PARD3: variants seen among roughly 807,000 people sequenced by gnomAD.
PARD3 encodes par-3 family cell polarity regulator.
PARD3 carries 75 observed loss-of-function variants against 155.4 expected under a neutral mutation model. The ratio of observed to expected loss-of-function variants is 0.48; its 90% CI spans 0.40 to 0.58. The LOEUF (loss-of-function observed/expected upper bound fraction) is 0.58, where lower values mean the gene tolerates loss of function less well. Ranked by LOEUF, PARD3 falls within the 20% of genes least tolerant of loss-of-function variation. PARD3 has a pLI of 0.00. For synonymous variants in PARD3, 576 were observed against 610.5 expected, an observed-to-expected ratio of 0.94 and a Z score of 0.83; for missense variants, 1,642 against 1,721.7, an observed-to-expected ratio of 0.95 and a Z score of 0.82.
chr10:34,542,234 T>TGTGTAC (rs1554889671), intron 2 of PARD3, among the ~76,000 whole-genome samples: 48 of 146,300 alleles, frequency 3.3e-4, no homozygotes, highest in African/African-American at 1.1e-3. Context: ...TGTGTGTGTG[T>TGTGTAC]GTGTGCACAC....
chr10:34,547,883 A>C (rs1480213881), intron 2 of PARD3, among the ~76,000 whole-genome samples: 2 of 152,242 alleles, frequency 1.3e-5, no homozygotes, highest in African/African-American at 4.8e-5. Flanking sequence ...TACATTATGA[A>C]GTGTTAACAT....
chr10:34,551,696 C>T (rs1203285888), intron 2 of PARD3, among the ~76,000 whole-genome samples: 1 of 152,200 alleles, frequency 6.6e-6, no homozygotes, highest in Non-Finnish European at 1.5e-5. Flanking sequence ...CCAGCTCAGG[C>T]TGCGGTTAGG....
intron 1 of PARD3, among the ~76,000 whole-genome samples, chr10:34,783,400 C>T (rs1348818506): frequency 6.6e-6 from 1 of 151,512 alleles, no homozygotes; most frequent in South Asian, 2.1e-4. Flanking sequence ...GTCAGGAGAT[C>T]GAGACCATCC....
At chr10:34,760,987 T>C (rs1837374372) in intron 1 of PARD3, among the ~76,000 whole-genome samples, 1 of 152,006 alleles carries the variant, frequency 6.6e-6, no homozygotes. Context: ...TAAATTAAAT[T>C]GGATAATTAA....
chr10:34,312,387 A>G, intron 20 of PARD3: 1 of 1,612,674 alleles, frequency 6.2e-7, no homozygotes, highest in Non-Finnish European at 8.5e-7. Context: ...GCAAGGCTAA[A>G]TGAGAGACAC....
intron 20 of PARD3, among the ~76,000 whole-genome samples, chr10:34,292,100 C>T (rs1956701708): frequency 1.3e-5 from 2 of 152,176 alleles, no homozygotes; most frequent in Admixed American, 1.3e-4. Flanking sequence ...TCAAAATCAT[C>T]TGTGCTGACA....
At chr10:34,748,213 T>TA (rs1835550389) in intron 1 of PARD3, among the ~76,000 whole-genome samples, 1 of 152,158 alleles carries the variant, frequency 6.6e-6, no homozygotes, top group Admixed American at 6.5e-5. Flanking sequence ...CTCACGCCTG[T>TA]AATCCCAGCA....
At chr10:34,761,802 A>G (rs1422885086) in intron 1 of PARD3, among the ~76,000 whole-genome samples, 1 of 152,338 alleles carries the variant, frequency 6.6e-6, no homozygotes, top group Admixed American at 6.5e-5. Flanking sequence ...TAAGAAAACG[A>G]TGAGTCCTAA....
chr10:34,411,477 C>T (rs1409209790), intron 5 of PARD3, among the ~76,000 whole-genome samples: 1 of 149,104 alleles, frequency 6.7e-6, no homozygotes, highest in African/African-American at 2.6e-5. Flanking sequence ...CTGAATAGAA[C>T]AAAAAGGCTG....
intron 2 of PARD3, among the ~76,000 whole-genome samples, chr10:34,666,816 T>TACATAC (rs1554804684): frequency 3.4e-5 from 3 of 88,768 alleles, no homozygotes; most frequent in South Asian, 4.2e-4. Context: ...TATATATATA[T>TACATAC]ACACACACAC....
chr10:34,483,506 GA>G (rs11459278), intron 3 of PARD3, among the ~76,000 whole-genome samples: 12 of 142,330 alleles, frequency 8.4e-5, no homozygotes, highest in South Asian at 6.7e-4. Flanking sequence ...AAAAGAGAGA[GA>G]AAAAAAAACA....
At chr10:34,707,746 T>C (rs1009288782) in intron 1 of PARD3, among the ~76,000 whole-genome samples, 1 of 152,208 alleles carries the variant, frequency 6.6e-6, no homozygotes, top group African/African-American at 2.4e-5. Context: ...ATAATCTCAG[T>C]GTTCACTGTC....
chr10:34,537,185 T>C (rs553541323), intron 2 of PARD3, among the ~76,000 whole-genome samples: 173 of 152,258 alleles, frequency 1.1e-3, no homozygotes, highest in Middle Eastern at 3.4e-3. Flanking sequence ...TAATTTTCTG[T>C]AGAGACAGGG....
At chr10:34,264,632 A>G (rs994114108) in intron 22 of PARD3, among the ~76,000 whole-genome samples, 2 of 151,688 alleles carry the variant, frequency 1.3e-5, no homozygotes, top group Non-Finnish European at 2.9e-5. Flanking sequence ...GGAAGTCCCC[A>G]CTCTAGGTAC....
At chr10:34,201,684 C>T (rs764384050) in intron 22 of PARD3, among the ~76,000 whole-genome samples, 8 of 151,970 alleles carry the variant, frequency 5.3e-5, no homozygotes, top group Non-Finnish European at 8.8e-5. Context: ...GAGTTGTTCA[C>T]CCAAAAAAGC....
chr10:34,381,488 G>T (rs1005256804), intron 9 of PARD3, among the ~76,000 whole-genome samples: 5 of 152,158 alleles, frequency 3.3e-5, no homozygotes, highest in African/African-American at 1.2e-4. Flanking sequence ...AAGTCCAATA[G>T]TTTGCACTCA....
At chr10:34,612,579 C>T (rs927059400) in intron 2 of PARD3, among the ~76,000 whole-genome samples, 3 of 152,222 alleles carry the variant, frequency 2.0e-5, no homozygotes, top group Non-Finnish European at 4.4e-5. Flanking sequence ...TTAGGAATTT[C>T]ACCCAACTTT....
chr10:34,124,208 G>A (rs1947157605), intron 23 of PARD3, among the ~76,000 whole-genome samples: 2 of 152,126 alleles, frequency 1.3e-5, no homozygotes, highest in Admixed American at 1.3e-4. Flanking sequence ...AAAACAAAAA[G>A]TAAAATACAA....
chr10:34,635,625 T>C (rs1366045734), intron 2 of PARD3, among the ~76,000 whole-genome samples: 1 of 152,208 alleles, frequency 6.6e-6, no homozygotes, highest in Non-Finnish European at 1.5e-5. Context: ...GTCCATTCCT[T>C]GAGGTTGGTC....
Sources: gnomAD v4.1 joint callset for allele counts (sites outside exome capture counted in the v4.1 genomes callset) on GRCh38, gnomAD v4.1.1 for gene constraint, MANE v1.5 for transcripts, NCBI Gene and HGNC (gene_info 2026-07-23, HGNC 2026-07-21) for gene names.